The following ANKIB1 variants were observed in gnomAD, a reference collection of about 807,000 sequenced individuals.
ANKIB1 encodes the protein ankyrin repeat and IBR domain containing 1, also known as ankyrin repeat and IBR domain-containing protein 1.
ANKIB1 carries 43 observed loss-of-function variants against 122.1 expected under a neutral mutation model. The ratio of observed to expected loss-of-function variants is 0.35; its 90% CI spans 0.28 to 0.45. The LOEUF (loss-of-function observed/expected upper bound fraction) is 0.45, where lower values mean the gene tolerates loss of function less well. Ranked by LOEUF, ANKIB1 falls within the 20% of genes least tolerant of loss-of-function variation. ANKIB1 has a pLI of 1.00. For missense variants in ANKIB1, 992 were observed against 1,329.5 expected (o/e 0.75, Z 3.95); for synonymous variants, 390 against 442.0 (o/e 0.88, Z 1.48).
intron 2 of ANKIB1, among the ~76,000 whole-genome samples, chr7:92,296,967 T>C (rs1376578164): frequency 6.6e-6 from 1 of 152,180 alleles, no homozygotes; most frequent in Non-Finnish European, 1.5e-5. Flanking sequence ...ACCTCCAGCT[T>C]AGTTGTTTGA....
At chr7:92,309,962 T>TATAA (rs1030276754) in intron 3 of ANKIB1, among the ~76,000 whole-genome samples, 4 of 139,428 alleles carry the variant, frequency 2.9e-5, no homozygotes, top group African/African-American at 8.0e-5. Context: ...TATATATATA[T>TATAA]AAATTAAATG....
chr7:92,264,710 C>G (rs1162825349), intron 1 of ANKIB1, among the ~76,000 whole-genome samples: 1 of 152,036 alleles, frequency 6.6e-6, no homozygotes, highest in Non-Finnish European at 1.5e-5. Context: ...CTGTGCCCAG[C>G]CTCATTTGTC....
chr7:92,271,249 C>G (rs1801784737), intron 1 of ANKIB1, among the ~76,000 whole-genome samples: 2 of 152,064 alleles, frequency 1.3e-5, no homozygotes, highest in African/African-American at 2.4e-5. Context: ...TGCTTTTGCT[C>G]CATTGTCAAA....
At chr7:92,277,849 C>T (rs765428990) in intron 1 of ANKIB1, among the ~76,000 whole-genome samples, 2 of 151,932 alleles carry the variant, frequency 1.3e-5, no homozygotes, top group Non-Finnish European at 2.9e-5. Flanking sequence ...TTTGGGAGGC[C>T]GAGACAGGTG....
intron 7 of ANKIB1, among the ~76,000 whole-genome samples, chr7:92,346,047 A>T (rs1386568454): frequency 6.6e-6 from 1 of 152,204 alleles, no homozygotes; most frequent in Non-Finnish European, 1.5e-5. Flanking sequence ...CTCATTTCCC[A>T]TTGAATCCCT....
chr7:92,303,900 T>C (rs1335427751), intron 2 of ANKIB1, among the ~76,000 whole-genome samples: 1 of 152,110 alleles, frequency 6.6e-6, no homozygotes, highest in African/African-American at 2.4e-5. Context: ...ATAAACTGGC[T>C]GCTTAAGAAT....
At chr7:92,307,175 C>G (rs1585099043) in intron 2 of ANKIB1, among the ~76,000 whole-genome samples, 184 bp from the exon 3 acceptor site, 1 of 151,556 alleles carries the variant, frequency 6.6e-6, no homozygotes, top group East Asian at 1.9e-4. Flanking sequence ...TATTGTTATT[C>G]TAGAATAGAG....
chr7:92,248,717 A>G (rs1357139663), intron 1 of ANKIB1, among the ~76,000 whole-genome samples: 1 of 152,160 alleles, frequency 6.6e-6, no homozygotes, highest in Non-Finnish European at 1.5e-5. Context: ...TAAAGAGACC[A>G]GTCTGTGGGA....
chr7:92,372,665 GAATA>G (rs1562795760), intron 11 of ANKIB1, among the ~76,000 whole-genome samples: 1 of 152,104 alleles, frequency 6.6e-6, no homozygotes, highest in Non-Finnish European at 1.5e-5. Context: ...AGGCTAGATA[GAATA>G]AATACCCTCT....
intron 16 of ANKIB1, among the ~76,000 whole-genome samples, 168 bp downstream of exon 16, chr7:92,391,512 T>C (rs1804785066): frequency 6.6e-6 from 1 of 152,108 alleles, no homozygotes; most frequent in Non-Finnish European, 1.5e-5. Flanking sequence ...TTTTCCTCCA[T>C]GCTATTTCTG....
At chr7:92,305,617 G>A (rs1305776272) in intron 2 of ANKIB1, among the ~76,000 whole-genome samples, 1 of 152,196 alleles carries the variant, frequency 6.6e-6, no homozygotes, top group African/African-American at 2.4e-5. Flanking sequence ...GGAGCCTAGT[G>A]TAAAGAGGCT....
chr7:92,371,059 G>C (rs1804238854), intron 10 of ANKIB1, among the ~76,000 whole-genome samples: 1 of 152,270 alleles, frequency 6.6e-6, no homozygotes, highest in East Asian at 1.9e-4. Flanking sequence ...CTATGGTAAA[G>C]AGTTTCTGAT....
intron 18 of ANKIB1, 64 bp downstream of exon 18, chr7:92,396,540 C>G (rs1804896382): frequency 1.2e-6 from 1 of 812,184 alleles, no homozygotes; most frequent in Non-Finnish European, 2.0e-6. Context: ...TTCAAACTGG[C>G]TGATGTAAAT....
chr7:92,393,419 A>G (rs1313443365), intron 17 of ANKIB1, among the ~76,000 whole-genome samples: 2 of 152,058 alleles, frequency 1.3e-5, no homozygotes, highest in African/African-American at 4.8e-5. Flanking sequence ...TATTATTTCA[A>G]TGTTATAATA....
intron 1 of ANKIB1, among the ~76,000 whole-genome samples, chr7:92,281,780 ATAATC>A (rs1802016333): frequency 6.6e-6 from 1 of 152,224 alleles, no homozygotes; most frequent in African/African-American, 2.4e-5. Context: ...TCCAGTGAAT[ATAATC>A]TAAACAGTTT....
At chr7:92,355,885 ATAG>A (rs1275577575) in intron 9 of ANKIB1, among the ~76,000 whole-genome samples, 6 of 145,036 alleles carry the variant, frequency 4.1e-5, no homozygotes, top group Admixed American at 7.0e-5. Flanking sequence ...AATAATAATA[ATAG>A]TAATAGTAAT....
chr7:92,371,698 C>A, intron 11 of ANKIB1, 91 bp downstream of exon 11: 3 of 1,408,174 alleles, frequency 2.1e-6, no homozygotes, highest in South Asian at 1.3e-5. Context: ...TTTGAGGGGG[C>A]CTGGTGCAGT....
intron 2 of ANKIB1, 129 bp from the exon 3 acceptor site, chr7:92,307,230 A>G (rs904412836): frequency 1.1e-6 from 1 of 891,150 alleles, no homozygotes; most frequent in South Asian, 1.9e-5. Context: ...TGTAAACCAG[A>G]CCCTCAGTAT....
At chr7:92,277,957 G>A (rs904890239) in intron 1 of ANKIB1, among the ~76,000 whole-genome samples, 8 of 152,048 alleles carry the variant, frequency 5.3e-5, no homozygotes, top group African/African-American at 1.9e-4. Flanking sequence ...GGTGGCAGGT[G>A]TTTATAGTCC....
Sources: gnomAD v4.1 joint callset for allele counts (sites outside exome capture counted in the v4.1 genomes callset) on GRCh38, gnomAD v4.1.1 for gene constraint, MANE v1.5 for transcripts, NCBI Gene and HGNC (gene_info 2026-07-23, HGNC 2026-07-21) for gene names.